The following TAFA2 variants were observed in gnomAD, a reference collection of about 807,000 sequenced individuals.
The protein encoded by TAFA2 is chemokine-like protein TAFA-2.
Under a neutral mutation model 18.8 loss-of-function variants are expected in TAFA2, and 7 were observed. The ratio of observed to expected loss-of-function variants is 0.37; its 90% CI spans 0.21 to 0.70. TAFA2 has a LOEUF of 0.70. Ranked by LOEUF, TAFA2 falls within the 30% of genes least tolerant of loss-of-function variation. The probability of loss-of-function intolerance (pLI) is 0.53; values close to 1 mark genes in which losing one functional copy is unlikely to be tolerated. For synonymous variants in TAFA2, 60 were observed against 54.2 expected (o/e 1.11, Z -0.47); for missense variants, 122 against 158.1 (o/e 0.77, Z 1.23).
At chr12:61,823,629 T>C (rs2121059662) in intron 2 of TAFA2, among the ~76,000 whole-genome samples, 1 of 152,282 alleles carries the variant, frequency 6.6e-6, no homozygotes, top group South Asian at 2.1e-4. Context: ...GTGTAACTCC[T>C]TGTTAGGAAT....
At chr12:62,138,107 C>T (rs987309615) in intron 1 of TAFA2, among the ~76,000 whole-genome samples, 1 of 152,020 alleles carries the variant, frequency 6.6e-6, no homozygotes, top group African/African-American at 2.4e-5. Flanking sequence ...TGAGGGCTTC[C>T]CCAGTTATGC....
At chr12:61,755,058 A>G in intron 2 of TAFA2, 34 bp from the exon 3 acceptor site, 1 of 1,608,996 alleles carries the variant, frequency 6.2e-7, no homozygotes, top group African/African-American at 1.3e-5. Flanking sequence ...CAACATTGAG[A>G]AAGCTTTGGA....
chr12:62,101,965 GGACAGGAGGTTGGAGAAA>G (rs1869227224), intron 1 of TAFA2, among the ~76,000 whole-genome samples: 1 of 152,100 alleles, frequency 6.6e-6, no homozygotes, highest in Non-Finnish European at 1.5e-5. Flanking sequence ...CCTGTGGGTG[GGACAGGAGGTTGGAGAAA>G]GATTCATAGA....
intron 1 of TAFA2, among the ~76,000 whole-genome samples, chr12:61,870,999 C>T (rs1226897470): frequency 1.3e-5 from 2 of 152,078 alleles, no homozygotes; most frequent in African/African-American, 2.4e-5. Flanking sequence ...TAAATAAGTA[C>T]TTATTGAATG....
intron 1 of TAFA2, among the ~76,000 whole-genome samples, chr12:61,938,749 T>C (rs991709308): frequency 1.3e-5 from 2 of 152,096 alleles, no homozygotes; most frequent in Non-Finnish European, 2.9e-5. Flanking sequence ...AAATAATGTC[T>C]TTTGCAGCAA....
At chr12:62,008,447 G>A (rs1198266230) in intron 1 of TAFA2, among the ~76,000 whole-genome samples, 1 of 152,086 alleles carries the variant, frequency 6.6e-6, no homozygotes, top group Non-Finnish European at 1.5e-5. Context: ...GCAGTAACAG[G>A]AAGAAAACAA....
At chr12:62,176,910 G>A (rs2062517996) in intron 1 of TAFA2, among the ~76,000 whole-genome samples, 1 of 152,144 alleles carries the variant, frequency 6.6e-6, no homozygotes, top group African/African-American at 2.4e-5. Context: ...AGCTCTGAAG[G>A]CAGAACATCT....
intron 1 of TAFA2, among the ~76,000 whole-genome samples, chr12:62,020,453 CAAGT>C (rs779700403): frequency 2.0e-5 from 3 of 152,006 alleles, no homozygotes; most frequent in Non-Finnish European, 4.4e-5. Flanking sequence ...AAGAACATTC[CAAGT>C]AAAGAAAAAT....
intron 1 of TAFA2, among the ~76,000 whole-genome samples, chr12:61,980,485 G>A (rs1437870764): frequency 1.3e-5 from 2 of 151,980 alleles, no homozygotes; most frequent in African/African-American, 4.8e-5. Context: ...AAGAAATAAA[G>A]GTATTCAATT....
At chr12:62,100,133 C>A (rs1340901953) in intron 1 of TAFA2, among the ~76,000 whole-genome samples, 2 of 132,582 alleles carry the variant, frequency 1.5e-5, no homozygotes, top group Non-Finnish European at 3.3e-5. Context: ...AATAGCAACT[C>A]CCTCTACACA....
chr12:61,831,264 T>C (rs1872710977), intron 2 of TAFA2, among the ~76,000 whole-genome samples: 1 of 152,136 alleles, frequency 6.6e-6, no homozygotes, highest in African/African-American at 2.4e-5. Flanking sequence ...CTTTAATCTT[T>C]GAAATTGCTG....
chr12:62,234,501 G>T, intron 1 of TAFA2: 2 of 1,082,494 alleles, frequency 1.8e-6, no homozygotes, highest in Non-Finnish European at 2.8e-6. Flanking sequence ...TGAACTCTTG[G>T]CTGCACTGAT....
chr12:62,119,287 G>GA (rs1211002070), intron 1 of TAFA2, among the ~76,000 whole-genome samples: 10 of 151,860 alleles, frequency 6.6e-5, no homozygotes, highest in Admixed American at 2.0e-4. Context: ...TTTCTTAAAT[G>GA]AAAAAAAATT....
intron 1 of TAFA2, among the ~76,000 whole-genome samples, chr12:61,997,660 G>C (rs895475792): frequency 1.3e-5 from 2 of 152,068 alleles, no homozygotes; most frequent in African/African-American, 4.8e-5. Context: ...GAACCAAGGA[G>C]ATCAGTGAGA....
At chr12:62,006,314 G>A (rs1393071887) in intron 1 of TAFA2, among the ~76,000 whole-genome samples, 6 of 152,198 alleles carry the variant, frequency 3.9e-5, no homozygotes, top group South Asian at 4.1e-4. Flanking sequence ...GTTGTGAAGC[G>A]TGCCCTCTGC....
chr12:62,034,240 A>T (rs551152417), intron 1 of TAFA2, among the ~76,000 whole-genome samples: 4 of 152,244 alleles, frequency 2.6e-5, no homozygotes, highest in Admixed American at 6.5e-5. Flanking sequence ...AGATATGTTC[A>T]CCTTGAGCCC....
intron 1 of TAFA2, among the ~76,000 whole-genome samples, chr12:62,146,535 T>C (rs2062282980): frequency 6.6e-6 from 1 of 152,140 alleles, no homozygotes; most frequent in East Asian, 1.9e-4. Context: ...GGAAGTGGTC[T>C]TGGGAAATGA....
rs111719526 is a variant in TAFA2, at chr12:62,203,215, T to A, written c.-130+55548A>T. On this transcript the variant is annotated intron_variant, in intron 1 of 5. Coordinates refer to the TAFA2 transcript ENST00000551619. ...TGGTCTGAGAGACTGTTTGTTATGA[T>A]TTTGGTTCTTTTGCATTTGCTGAGG... Among the ~76,000 whole-genome samples the A allele has an allele frequency of 6.9e-3, 1,050 of 152,360 alleles. 3 individuals carry two copies. Among genetic ancestry groups the A allele is most frequent in the Non-Finnish European group, 0.012 (824 of 68,032 alleles).
intron 4 of TAFA2, among the ~76,000 whole-genome samples, chr12:61,722,015 C>T (rs1203630259): frequency 6.6e-6 from 1 of 151,522 alleles, no homozygotes; most frequent in Non-Finnish European, 1.5e-5. Context: ...GATATCAAAA[C>T]ATACTATTTG....
Sources: allele counts gnomAD v4.1 joint callset (sites outside exome capture counted in the v4.1 genomes callset), GRCh38; gene constraint gnomAD v4.1.1; transcripts MANE v1.5; gene names NCBI Gene and HGNC (gene_info 2026-07-23, HGNC 2026-07-21).